Variants in ANO1 observed in about 807,000 individuals in gnomAD.
ANO1 encodes the protein anoctamin 1.
Under a neutral mutation model 124.0 loss-of-function variants are expected in ANO1, and 59 were observed. The ratio of observed to expected loss-of-function variants is 0.48; its 90% CI spans 0.39 to 0.59. The LOEUF is 0.59. Ranked by LOEUF, ANO1 falls within the 20% of genes least tolerant of loss-of-function variation. The pLI, the probability that ANO1 is intolerant of heterozygous loss-of-function variation, is 0.00. For missense variants in ANO1, 1,059 were observed against 1,328.0 expected, an observed-to-expected ratio of 0.80 and a Z score of 3.15; for synonymous variants, 529 against 532.0, an observed-to-expected ratio of 0.99 and a Z score of 0.08.
chr11:70,174,770 C>T (rs375985899), intron 22 of ANO1, among the ~76,000 whole-genome samples: 47 of 152,252 alleles, frequency 3.1e-4, no homozygotes, highest in African/African-American at 1.1e-3. Context: ...GAAAACCTCA[C>T]CCTGTATACC....
At chr11:69,978,119 C>A in the ANO1 span, among the ~76,000 whole-genome samples, 4 of 152,180 alleles carry the variant, frequency 2.6e-5, no homozygotes, top group Non-Finnish European at 5.9e-5. Flanking sequence ...ACCCTGGGGA[C>A]AAACGCTGCT....
Position 70,182,641 on chromosome 11 carries a change from C to T in ANO1, c.2543C>T (p.Ala848Val), listed in dbSNP as rs2048972250. 2 of 1,611,204 alleles carry T rather than the reference C, an allele frequency of 1.2e-6. No homozygotes were observed. The highest frequency in any genetic ancestry group is 2.2e-5 in the East Asian group (1 of 44,800). ...FNVSDFQNGT[A>V]PNDPLDLGYE... ...GTCAGTGACTTCCAGAACGGCACGG[C>T]CCCCAATGACCCCCTGGACCTGGGC... The change falls in exon 24 of 26, where the codon GCC (alanine) becomes GTC (valine). Residue 848 changes from alanine (A) to valine (V), a missense_variant. Transcript: ENST00000355303.
chr11:70,095,279 G>GGAAGGAAGGAAGGAAAGAAA (rs1555017294), intron 2 of ANO1, among the ~76,000 whole-genome samples: 3 of 95,558 alleles, frequency 3.1e-5, no homozygotes, highest in African/African-American at 4.5e-5. Flanking sequence ...AAGGAAGGAA[G>GGAAGGAAGGAAGGAAAGAAA]GAAGGAAGGA....
intron 2 of ANO1, among the ~76,000 whole-genome samples, chr11:70,089,887 GC>G (rs1816063159): frequency 6.6e-6 from 1 of 152,230 alleles, no homozygotes; most frequent in Non-Finnish European, 1.5e-5. Flanking sequence ...GAAGGAATCG[GC>G]TCCATCAGGG....
At chr11:70,039,962 C>G (rs1237272131) in intron 1 of ANO1, among the ~76,000 whole-genome samples, 1 of 152,112 alleles carries the variant, frequency 6.6e-6, no homozygotes, top group Admixed American at 6.5e-5. Context: ...TGCTAGATGA[C>G]CCAGAAGGAG....
intron 17 of ANO1, 65 bp from the exon 18 acceptor site, chr11:70,161,557 G>A (rs1305823262): frequency 1.3e-6 from 2 of 1,554,622 alleles, no homozygotes; most frequent in African/African-American, 1.4e-5. Flanking sequence ...CCAGCCAGAA[G>A]CTGGACCAGG....
chr11:70,155,862 C>T (rs778066335), intron 14 of ANO1, 49 bp from the exon 15 acceptor site: 43 of 1,487,762 alleles, frequency 2.9e-5, no homozygotes, highest in Non-Finnish European at 3.5e-5. Context: ...TCTGCGGTGC[C>T]GCCTCCCACT....
At chr11:69,984,654 C>T (rs569888989), upstream of ANO1, among the ~76,000 whole-genome samples, 34 of 152,274 alleles carry the variant, frequency 2.2e-4, no homozygotes, top group African/African-American at 7.5e-4. Context: ...CCTCCTCCAT[C>T]CAGATGCCTT....
chr11:70,163,139 G>A, intron 18 of ANO1, 144 bp from the exon 19 acceptor site: 9 of 758,150 alleles, frequency 1.2e-5, no homozygotes, highest in Non-Finnish European at 1.9e-5. Context: ...TTTAGCAGAT[G>A]CACCAGGCAG....
At chr11:70,122,863 A>T (rs747030416) in intron 8 of ANO1, among the ~76,000 whole-genome samples, 5 of 152,118 alleles carry the variant, frequency 3.3e-5, no homozygotes, top group Non-Finnish European at 7.3e-5. Flanking sequence ...AGGTGAGAGG[A>T]GGAAGCTGCC....
intron 1 of ANO1, among the ~76,000 whole-genome samples, chr11:70,059,679 C>T (rs1034540215): frequency 3.9e-5 from 6 of 152,032 alleles, no homozygotes; most frequent in South Asian, 2.1e-4. Flanking sequence ...GATGGTCTTA[C>T]GGATGGATTT....
At chr11:70,152,708 T>G (rs1362945781) in intron 13 of ANO1, among the ~76,000 whole-genome samples, 1 of 152,244 alleles carries the variant, frequency 6.6e-6, no homozygotes, top group Non-Finnish European at 1.5e-5. Context: ...CGACAGTTAC[T>G]GCGTCTCTTC....
chr11:70,099,427 C>T (rs1054735903), intron 2 of ANO1, among the ~76,000 whole-genome samples: 6 of 152,156 alleles, frequency 3.9e-5, no homozygotes, highest in East Asian at 1.9e-4. Flanking sequence ...CCTTGACCAC[C>T]GTGCAGAAAT....
At chr11:69,989,285 G>A (rs1384382533) in intron 1 of ANO1, among the ~76,000 whole-genome samples, 1 of 152,208 alleles carries the variant, frequency 6.6e-6, no homozygotes, top group Non-Finnish European at 1.5e-5. Context: ...CATTCAGGGA[G>A]GATAGAAAGA....
intron 1 of ANO1, among the ~76,000 whole-genome samples, chr11:69,991,114 G>A (rs1856146209): frequency 6.6e-6 from 1 of 152,144 alleles, no homozygotes; most frequent in African/African-American, 2.4e-5. Context: ...ATTTAGGTCA[G>A]TCCATTTTTA....
intron 1 of ANO1, among the ~76,000 whole-genome samples, chr11:70,052,526 C>CTTTTCTTTT (rs1857364430): frequency 7.1e-5 from 2 of 28,064 alleles, no homozygotes; most frequent in African/African-American, 2.6e-4. Flanking sequence ...ATTTCTTTTT[C>CTTTTCTTTT]TTTTCTTTTT....
chr11:69,990,915 G>C (rs1856141214), intron 1 of ANO1, among the ~76,000 whole-genome samples: 1 of 152,120 alleles, frequency 6.6e-6, no homozygotes, highest in African/African-American at 2.4e-5. Flanking sequence ...TCTGTAGGTT[G>C]TCTTTTCACT....
At chr11:70,016,177 G>A (rs547172411) in intron 1 of ANO1, among the ~76,000 whole-genome samples, 4 of 152,016 alleles carry the variant, frequency 2.6e-5, no homozygotes, top group African/African-American at 9.6e-5. Context: ...ACAGGTGCAC[G>A]CCACCACGCC....
chr11:69,979,623 A>T, the ANO1 span, among the ~76,000 whole-genome samples: 3 of 152,220 alleles, frequency 2.0e-5, no homozygotes, highest in Admixed American at 2.0e-4. Context: ...GAAGATATCA[A>T]GTATGCGGGA....
Sources: gnomAD v4.1 joint callset for allele counts (sites outside exome capture counted in the v4.1 genomes callset) on GRCh38, gnomAD v4.1.1 for gene constraint, MANE v1.5 for transcripts, NCBI Gene and HGNC (gene_info 2026-07-23, HGNC 2026-07-21) for gene names.